Variants in RNLS observed in about 807,000 individuals in gnomAD.
RNLS encodes the protein renalase, FAD dependent amine oxidase.
Under a neutral mutation model 39.8 loss-of-function variants are expected in RNLS, and 39 were observed. The observed-to-expected ratio is 0.98, with a 90% CI of 0.76 to 1.28. RNLS has a LOEUF of 1.28. RNLS is among the 50% of genes most tolerant of loss of function. The probability of loss-of-function intolerance (pLI) is 0.00; values close to 1 mark genes in which losing one functional copy is unlikely to be tolerated. For missense variants in RNLS, 410 were observed against 413.3 expected (o/e 0.99, Z 0.07); for synonymous variants, 147 against 150.7 (o/e 0.98, Z 0.18).
In RNLS at chr10:88,284,449, T is replaced by C; in HGVS notation, c.*905A>G. ...GTCGTGGGGTCAGGTCACTGAAGCA[T>C]GTGGGTGATATGCTGAACCACCAAC... On this transcript the variant is annotated 3_prime_UTR_variant, in exon 7 of 7. Coordinates refer to ENST00000331772, the MANE Select transcript of RNLS (RefSeq NM_001031709.3). 2.0e-6 allele frequency: 2 copies of C among 985,318 alleles called. No individual in the cohort carries two copies. Among genetic ancestry groups the C allele is most frequent in the South Asian group, 4.7e-5 (1 of 21,292 alleles). The allele number at this position is 985,318 out of a possible 1,614,324, so 61.0% of individuals were successfully genotyped here.
intron 4 of RNLS, among the ~76,000 whole-genome samples, chr10:88,561,693 A>G (rs1489081377): frequency 6.6e-6 from 1 of 152,146 alleles, no homozygotes; most frequent in African/African-American, 2.4e-5. Context: ...AAAAAGACAC[A>G]CTTGACTAAA....
the RNLS span, among the ~76,000 whole-genome samples, chr10:88,202,840 C>T: frequency 6.6e-6 from 1 of 152,040 alleles, no homozygotes; most frequent in Non-Finnish European, 1.5e-5. Context: ...CCTGGATTCC[C>T]CCATGGCACA....
the RNLS span, among the ~76,000 whole-genome samples, chr10:88,237,122 G>T: frequency 2.0e-5 from 3 of 150,790 alleles, no homozygotes; most frequent in Admixed American, 6.6e-5. Flanking sequence ...TCTAGGGTTG[G>T]TTTTTTTTTC....
chr10:88,356,627 C>A (rs1690099073), intron 5 of RNLS, among the ~76,000 whole-genome samples: 1 of 152,172 alleles, frequency 6.6e-6, no homozygotes, highest in Non-Finnish European at 1.5e-5. Flanking sequence ...GTTTGTTACT[C>A]AAAGATTCTA....
the RNLS span, among the ~76,000 whole-genome samples, chr10:88,204,896 T>C: frequency 5.3e-5 from 8 of 152,140 alleles, no homozygotes; most frequent in African/African-American, 9.7e-5. Flanking sequence ...AAGAAAGACA[T>C]GGTCCTTACC....
chr10:88,514,973 T>C (rs1846332129), intron 4 of RNLS, among the ~76,000 whole-genome samples: 1 of 152,254 alleles, frequency 6.6e-6, no homozygotes, highest in South Asian at 2.1e-4. Context: ...TTGTTTTCCA[T>C]AGTGGCTGTT....
rs186416966 is a variant in RNLS, at chr10:88,583,192, G to A, written c.-2C>T. On this transcript the variant is annotated 5_prime_UTR_variant, in exon 1 of 7. Transcript: ENST00000331772. ...GCCCACGATCAGCACCTGCGCCATG[G>A]CGAGAGGGAGCAGCGATCCGCGCTG... The A allele has an allele frequency of 4.9e-5, 79 of 1,613,804 alleles. No individual in the cohort carries two copies. Among genetic ancestry groups the A allele is most frequent in the Admixed American group, 2.0e-4 (12 of 60,022 alleles).
intron 4 of RNLS, among the ~76,000 whole-genome samples, chr10:88,440,562 CT>C (rs776549599): frequency 3.3e-5 from 5 of 152,154 alleles, no homozygotes; most frequent in Non-Finnish European, 7.4e-5. Flanking sequence ...TCATGTCCCC[CT>C]AGGCTAAATT....
At chr10:88,233,662 C>T in the RNLS span, among the ~76,000 whole-genome samples, 1 of 152,130 alleles carries the variant, frequency 6.6e-6, no homozygotes, top group Non-Finnish European at 1.5e-5. Context: ...AATGGGTGTC[C>T]TGTATTTTTA....
intron 4 of RNLS, among the ~76,000 whole-genome samples, chr10:88,479,604 G>A (rs1844032722): frequency 6.6e-6 from 1 of 151,942 alleles, no homozygotes; most frequent in African/African-American, 2.4e-5. Context: ...AAGCAAAGAC[G>A]ACCTTGAACT....
At chr10:88,234,554 C>G in the RNLS span, among the ~76,000 whole-genome samples, 1 of 152,158 alleles carries the variant, frequency 6.6e-6, no homozygotes, top group African/African-American at 2.4e-5. Context: ...CTATTGTGTC[C>G]TGTACTCTAA....
chr10:88,236,968 GT>G, the RNLS span, among the ~76,000 whole-genome samples: 1 of 151,982 alleles, frequency 6.6e-6, no homozygotes, highest in East Asian at 1.9e-4. Context: ...ACTGGAGTGT[GT>G]TTTTCTTACA....
the RNLS span, chr10:88,259,450 TA>T: frequency 1.3e-5 from 2 of 152,214 alleles, no homozygotes; most frequent in African/African-American, 4.8e-5. Context: ...TATGTGTGCT[TA>T]TGGGCGCAAA....
intron 4 of RNLS, among the ~76,000 whole-genome samples, chr10:88,410,824 C>T (rs1274684824): frequency 3.9e-5 from 6 of 152,140 alleles, no homozygotes; most frequent in Admixed American, 3.9e-4. Context: ...AATAAATTCA[C>T]TAAGAAATAA....
chr10:88,186,680 T>G, the RNLS span, among the ~76,000 whole-genome samples: 1 of 152,152 alleles, frequency 6.6e-6, no homozygotes, highest in Non-Finnish European at 1.5e-5. Context: ...TGCTTCCCAC[T>G]TAGGATATAT....
chr10:88,385,922 G>T (rs1851834618), intron 4 of RNLS, among the ~76,000 whole-genome samples: 1 of 152,238 alleles, frequency 6.6e-6, no homozygotes, highest in South Asian at 2.1e-4. Context: ...TTACTTTGAT[G>T]CAGAGTGGCT....
At position 88,329,022 on chromosome 10, in the gene RNLS, A is replaced by G. The variant is rs115194473; in HGVS notation, c.701-14381T>C. ...ATATTTTTCTCAAGACTTTAAAGATATGATACCAATGTAGTTTAGCTTCTT... is the reference window on the plus strand; with the variant it reads ...ATATTTTTCTCAAGACTTTAAAGATGTGATACCAATGTAGTTTAGCTTCTT... On this transcript the variant is annotated intron_variant, in intron 5 of 6. Transcript: ENST00000331772. Among the ~76,000 whole-genome samples the G allele has an allele frequency of 4.5e-3, 690 of 152,052 alleles. 8 individuals are homozygous for G. The highest frequency in any genetic ancestry group is 0.015 in the African/African-American group (611 of 41,528).
At chr10:88,500,280 A>T (rs1845400886) in intron 4 of RNLS, among the ~76,000 whole-genome samples, 1 of 152,170 alleles carries the variant, frequency 6.6e-6, no homozygotes, top group African/African-American at 2.4e-5. Context: ...CTAATTCCAC[A>T]GGAGGTATTC....
chr10:88,532,899 G>C (rs780139625), intron 4 of RNLS, among the ~76,000 whole-genome samples: 11 of 152,006 alleles, frequency 7.2e-5, no homozygotes, highest in Non-Finnish European at 1.0e-4. Context: ...GGACTGACAT[G>C]ATATTTTAAG....
Sources: allele counts gnomAD v4.1 joint callset (sites outside exome capture counted in the v4.1 genomes callset), GRCh38; gene constraint gnomAD v4.1.1; transcripts MANE v1.5; gene names NCBI Gene and HGNC (gene_info 2026-07-23, HGNC 2026-07-21).